The following RGS6 variants were observed in gnomAD, a reference collection of about 807,000 sequenced individuals.
RGS6 encodes the protein regulator of G-protein signaling 6.
In RGS6, 30 loss-of-function variants were observed where a neutral mutation model predicts 78.5. The ratio of observed to expected loss-of-function variants is 0.38; its 90% confidence interval spans 0.29 to 0.52. The LOEUF (loss-of-function observed/expected upper bound fraction) is 0.52, where lower values mean the gene tolerates loss of function less well. RGS6 is among the 20% of genes least tolerant of loss of function. The pLI, the probability that RGS6 is intolerant of heterozygous loss-of-function variation, is 0.85. For synonymous variants in RGS6, 206 were observed against 206.0 expected (o/e 1.00, Z 0.00); for missense variants, 495 against 609.7 (o/e 0.81, Z 1.98).
At chr14:72,051,615 G>A (rs2093249757) in intron 2 of RGS6, among the ~76,000 whole-genome samples, 1 of 152,098 alleles carries the variant, frequency 6.6e-6, no homozygotes, top group Non-Finnish European at 1.5e-5. Context: ...CGGTGAAAGG[G>A]GTACAGATAG....
At chr14:72,241,517 C>T (rs1304192160) in intron 2 of RGS6, among the ~76,000 whole-genome samples, 6 of 152,076 alleles carry the variant, frequency 3.9e-5, no homozygotes, top group Non-Finnish European at 5.9e-5. Context: ...TTATAGAAAA[C>T]GTCTATTGGC....
At chr14:72,463,325 A>G (rs1263312888) in intron 6 of RGS6, among the ~76,000 whole-genome samples, 1 of 152,244 alleles carries the variant, frequency 6.6e-6, no homozygotes, top group Admixed American at 6.5e-5. Flanking sequence ...GTCGGTTGGA[A>G]GTTAGAGCAA....
At chr14:72,043,460 G>GA (rs2153384599) in intron 2 of RGS6, among the ~76,000 whole-genome samples, 1 of 143,028 alleles carries the variant, frequency 7.0e-6, no homozygotes, top group Non-Finnish European at 1.5e-5. Context: ...TTGTTTGTAT[G>GA]AAAAAGTCTT....
intron 17 of RGS6, chr14:72,550,691 TC>T (rs2097492973): frequency 7.0e-7 from 1 of 1,430,408 alleles, no homozygotes; most frequent in African/African-American, 1.4e-5. Flanking sequence ...CCTTTGTGAG[TC>T]ATCACAATCC....
the RGS6 span, among the ~76,000 whole-genome samples, chr14:72,611,962 A>C: frequency 6.6e-6 from 1 of 152,330 alleles, no homozygotes; most frequent in East Asian, 1.9e-4. Context: ...TTCATGGCTG[A>C]AAAGCAACTT....
chr14:72,223,927 C>A (rs117940646), intron 2 of RGS6, among the ~76,000 whole-genome samples: 2 of 152,202 alleles, frequency 1.3e-5, no homozygotes, highest in African/African-American at 4.8e-5. Flanking sequence ...TACGCCTAGG[C>A]GTGCTGAAAT....
At chr14:72,349,477 G>A (rs781071000) in intron 2 of RGS6, among the ~76,000 whole-genome samples, 11 of 152,160 alleles carry the variant, frequency 7.2e-5, no homozygotes, top group Admixed American at 2.0e-4. Context: ...TCACTATGAG[G>A]CCAAGGCAAG....
chr14:72,000,027 G>A (rs2083138894), intron 2 of RGS6, among the ~76,000 whole-genome samples: 2 of 152,150 alleles, frequency 1.3e-5, no homozygotes, highest in African/African-American at 4.8e-5. Context: ...TGGTGTTAGT[G>A]GAGATAAGAC....
At chr14:72,583,226 A>G in the RGS6 span, among the ~76,000 whole-genome samples, 1,642 of 152,294 alleles carry the variant, frequency 0.011, 28 homozygotes, top group African/African-American at 0.036. Context: ...CAGCCATGCT[A>G]CTAGGTCCCC....
intron 2 of RGS6, among the ~76,000 whole-genome samples, chr14:71,969,187 G>T (rs1342389620): frequency 6.6e-6 from 1 of 152,192 alleles, no homozygotes. Flanking sequence ...GTATTCCATG[G>T]TGTATATGTG....
chr14:72,377,846 T>G (rs1461697686), intron 3 of RGS6, among the ~76,000 whole-genome samples: 2 of 152,152 alleles, frequency 1.3e-5, no homozygotes, highest in African/African-American at 2.4e-5. Context: ...CCCGTGGTGC[T>G]GCACACCTGT....
At chr14:72,427,321 G>T (rs946338947) in intron 3 of RGS6, among the ~76,000 whole-genome samples, 3 of 152,098 alleles carry the variant, frequency 2.0e-5, no homozygotes, top group Admixed American at 6.6e-5. Flanking sequence ...TTTATCATAG[G>T]TATGTATGTA....
the RGS6 span, among the ~76,000 whole-genome samples, chr14:72,592,465 G>C: frequency 6.6e-6 from 1 of 152,246 alleles, no homozygotes; most frequent in African/African-American, 2.4e-5. Context: ...AGGTTTGCCT[G>C]AGAAACCATG....
chr14:72,490,373 T>C (rs2096562182), intron 12 of RGS6, among the ~76,000 whole-genome samples: 1 of 152,214 alleles, frequency 6.6e-6, no homozygotes, highest in Admixed American at 6.5e-5. Flanking sequence ...CTTTCTCTTA[T>C]AAATTGCCCA....
the RGS6 span, among the ~76,000 whole-genome samples, chr14:71,888,710 C>G: frequency 6.6e-6 from 1 of 152,028 alleles, no homozygotes. Flanking sequence ...AGCCTTCTGT[C>G]CTCATTACAG....
intron 2 of RGS6, among the ~76,000 whole-genome samples, chr14:72,006,792 C>A (rs1178495791): frequency 6.6e-6 from 1 of 152,132 alleles, no homozygotes; most frequent in Non-Finnish European, 1.5e-5. Flanking sequence ...CACATTGGTA[C>A]TAGAGGTGCA....
chr14:72,395,211 T>C (rs1479609919), intron 3 of RGS6, among the ~76,000 whole-genome samples: 1 of 152,076 alleles, frequency 6.6e-6, no homozygotes, highest in African/African-American at 2.4e-5. Context: ...TGCAGAAAAG[T>C]AAAAAGAAAA....
intron 17 of RGS6, chr14:72,541,470 A>T (rs11628539): frequency 0.12 from 177,560 of 1,535,220 alleles, 11,109 homozygotes; most frequent in South Asian, 0.18. Context: ...GAGAAATCAG[A>T]ATGTGCAGAA....
chr14:72,050,283 C>T (rs2153408551), intron 2 of RGS6, among the ~76,000 whole-genome samples: 1 of 152,250 alleles, frequency 6.6e-6, no homozygotes, highest in South Asian at 2.1e-4. Flanking sequence ...TGGAACTGCA[C>T]TGAATAAAAA....
Sources: gnomAD v4.1 joint callset for allele counts (sites outside exome capture counted in the v4.1 genomes callset) on GRCh38, gnomAD v4.1.1 for gene constraint, MANE v1.5 for transcripts, NCBI Gene and HGNC (gene_info 2026-07-23, HGNC 2026-07-21) for gene names.